Variants in STT3B observed in about 807,000 individuals in gnomAD.
The protein encoded by STT3B is STT3 oligosaccharyltransferase complex catalytic subunit B, also known as dolichyl-diphosphooligosaccharide--protein glycosyltransferase subunit STT3B.
STT3B carries 29 observed loss-of-function variants against 96.8 expected under a neutral mutation model. The ratio of observed to expected loss-of-function variants is 0.30; its 90% CI spans 0.22 to 0.41. The LOEUF is 0.41. Ranked by LOEUF, STT3B falls within the 10% of genes least tolerant of loss-of-function variation. The pLI is 1.00. For missense variants in STT3B, 640 were observed against 1,022.3 expected (o/e 0.63, Z 5.10); for synonymous variants, 367 against 360.0 (o/e 1.02, Z -0.22).
At chr3:31,582,479 G>C (rs1698431371) in intron 3 of STT3B, among the ~76,000 whole-genome samples, 1 of 151,816 alleles carries the variant, frequency 6.6e-6, no homozygotes, top group Non-Finnish European at 1.5e-5. Context: ...ATTTTTAGTA[G>C]AGATGGATTT....
In STT3B at chr3:31,637,226, A is replaced by G. The variant is rs1279396140; in HGVS notation, c.*1162A>G. 2.0e-5 allele frequency: 3 copies of G among 152,238 alleles called. No homozygotes were observed. Among genetic ancestry groups the G allele is most frequent in the African/African-American group, 4.8e-5 (2 of 41,468 alleles). 9.4% of individuals were successfully genotyped at this position (152,238 alleles called of 1,614,324 possible). On this transcript the variant is annotated 3_prime_UTR_variant, in exon 16 of 16. Coordinates refer to ENST00000295770, the MANE Select transcript of STT3B (RefSeq NM_178862.3). ...GAACATTTTCTCCAGTTGTTTAGTA[A>G]AAGTGAAAGAGAAAGGGTTTTTCCT...
At chr3:31,625,144 T>C (rs1452652584) in intron 12 of STT3B, 59 bp downstream of exon 12, 2 of 1,474,940 alleles carry the variant, frequency 1.4e-6, no homozygotes, top group Non-Finnish European at 1.8e-6. Flanking sequence ...GCAATCAGGC[T>C]TCACTTGTGA....
At chr3:31,621,962 A>G in intron 9 of STT3B, 135 bp from the exon 10 acceptor site, 1 of 643,740 alleles carries the variant, frequency 1.6e-6, no homozygotes, top group Non-Finnish European at 2.8e-6. Flanking sequence ...GTTCAGTAGT[A>G]TCAATTTAGA....
intron 14 of STT3B, among the ~76,000 whole-genome samples, chr3:31,631,668 C>T (rs1699667474): frequency 6.6e-6 from 1 of 152,004 alleles, no homozygotes; most frequent in Admixed American, 6.6e-5. Flanking sequence ...TGAGTTTGGC[C>T]AGGCCTGGTG....
Position 31,550,375 on chromosome 3 carries a change from G to A in STT3B, c.314+17063G>A, listed in dbSNP as rs1461892825. Among the ~76,000 whole-genome samples the A allele has an allele frequency of 2.0e-5, 3 of 152,136 alleles. No individual in the cohort carries two copies. In the East Asian group the frequency reaches 5.8e-4, roughly 29 times the overall value. On this transcript the variant is annotated intron_variant, in intron 1 of 15. Coordinates refer to ENST00000295770, the MANE Select transcript of STT3B (RefSeq NM_178862.3). The stretch of plus-strand genomic sequence containing the variant: ...TGTGTTGCTCAAAGTAGAGAGACAG[G>A]TACTTTGTTATCTGAAGCTTATGAC...
At chr3:31,635,192 T>G (rs1699734488) in intron 15 of STT3B, among the ~76,000 whole-genome samples, 1 of 152,308 alleles carries the variant, frequency 6.6e-6, no homozygotes, top group South Asian at 2.1e-4. Flanking sequence ...ATTAAATTAC[T>G]TAGTTTCAAA....
rs144311229 is a variant in STT3B, at chr3:31,601,539, C to A, written c.877+1080C>A. On this transcript the variant is annotated intron_variant, in intron 5 of 15. Coordinates refer to ENST00000295770, the MANE Select transcript of STT3B (RefSeq NM_178862.3). ...GAAAGTAGAGTTTGTGGGAAATGTC[C>A]AGAATGGGTAAATCCATAGCAACAG... Among the ~76,000 whole-genome samples, 27 of 152,108 alleles carry A rather than the reference C, an allele frequency of 1.8e-4. 1 individual carries two copies. The highest frequency in any genetic ancestry group is 6.0e-4 in the African/African-American group (25 of 41,494).
At chr3:31,554,926 GAT>G (rs1697666644) in intron 1 of STT3B, among the ~76,000 whole-genome samples, 1 of 152,010 alleles carries the variant, frequency 6.6e-6, no homozygotes, top group Admixed American at 6.5e-5. Flanking sequence ...GTATGTATTT[GAT>G]ATGTTTGTTG....
At chr3:31,554,473 A>G (rs565623986) in intron 1 of STT3B, among the ~76,000 whole-genome samples, 4 of 152,278 alleles carry the variant, frequency 2.6e-5, no homozygotes, top group African/African-American at 7.2e-5. Context: ...ACTAAATTTT[A>G]AATGATTTAA....
At chr3:31,599,560 A>C (rs1698879322) in intron 4 of STT3B, among the ~76,000 whole-genome samples, 1 of 152,194 alleles carries the variant, frequency 6.6e-6, no homozygotes, top group African/African-American at 2.4e-5. Flanking sequence ...ATTGGAATAG[A>C]TATGCTAGCA....
intron 1 of STT3B, among the ~76,000 whole-genome samples, chr3:31,556,652 G>T (rs1449853500): frequency 6.6e-6 from 1 of 152,218 alleles, no homozygotes; most frequent in African/African-American, 2.4e-5. Context: ...GATTAGTGAC[G>T]TTGAACATTT....
At chr3:31,534,251 G>T (rs1469234762) in intron 1 of STT3B, among the ~76,000 whole-genome samples, 2 of 152,220 alleles carry the variant, frequency 1.3e-5, no homozygotes, top group Admixed American at 6.5e-5. Flanking sequence ...AGTTGCACAT[G>T]GTGTAAGGGA....
chr3:31,606,846 A>T (rs1477277126), intron 5 of STT3B, among the ~76,000 whole-genome samples: 1 of 152,172 alleles, frequency 6.6e-6, no homozygotes, highest in Non-Finnish European at 1.5e-5. Context: ...AAAGCTGCAG[A>T]CACTCAATGC....
chr3:31,579,730 TA>T, intron 2 of STT3B, 78 bp from the exon 3 acceptor site: 1 of 1,001,344 alleles, frequency 1.0e-6, no homozygotes, highest in Non-Finnish European at 1.3e-6. Context: ...AAACAAAATG[TA>T]ATGATGAAGA....
intron 1 of STT3B, among the ~76,000 whole-genome samples, chr3:31,559,385 G>A (rs1697808068): frequency 1.3e-5 from 2 of 150,626 alleles, no homozygotes; most frequent in East Asian, 2.0e-4. Flanking sequence ...ATAGGTTTGG[G>A]TATGTCATGT....
intron 10 of STT3B, 76 bp downstream of exon 10, chr3:31,622,384 T>C: frequency 8.4e-7 from 1 of 1,194,956 alleles, no homozygotes; most frequent in Non-Finnish European, 1.2e-6. Flanking sequence ...GAACTATACA[T>C]ATCAAGAAAT....
rs1347529633 is a variant in STT3B at position 31,582,358 on chromosome 3, C to T, written c.711+2262C>T. ...TGTTGCCCAGGCTGGAGTGCAGTGG[C>T]GCAGTCGGCTCGCTGCAACCTCTGC... On this transcript the variant is annotated intron_variant, in intron 3 of 15. Transcript: ENST00000295770. Among the ~76,000 whole-genome samples, 16 of 146,220 alleles carry T rather than the reference C, an allele frequency of 1.1e-4. No homozygotes were observed. The East Asian group carries it at 1.2e-3, about 11-fold the overall frequency.
intron 1 of STT3B, among the ~76,000 whole-genome samples, chr3:31,556,466 A>C (rs1014998216): frequency 6.6e-6 from 1 of 152,138 alleles, no homozygotes; most frequent in Non-Finnish European, 1.5e-5. Context: ...TAGTTTTTGG[A>C]GAAATCTCCA....
At chr3:31,562,256 G>A (rs1201417085) in intron 1 of STT3B, among the ~76,000 whole-genome samples, 1 of 152,158 alleles carries the variant, frequency 6.6e-6, no homozygotes, top group Non-Finnish European at 1.5e-5. Context: ...AAGTGTCTGT[G>A]CTGGTATTGT....
Sources: allele counts gnomAD v4.1 joint callset (sites outside exome capture counted in the v4.1 genomes callset), GRCh38; gene constraint gnomAD v4.1.1; transcripts MANE v1.5; gene names NCBI Gene and HGNC (gene_info 2026-07-23, HGNC 2026-07-21).